SMARCAL1: variants seen among roughly 807,000 people sequenced by gnomAD.
SMARCAL1 encodes the protein ATP-driven annealing helicase.
SMARCAL1 carries 58 observed loss-of-function variants against 94.5 expected under a neutral mutation model. That is an observed-to-expected ratio of 0.61 (90% CI 0.50 to 0.76). SMARCAL1 has a LOEUF of 0.76. Among genes scored for constraint, SMARCAL1 ranks in the 30% least tolerant of loss-of-function variants. SMARCAL1 has a pLI of 0.00. For missense variants in SMARCAL1, 1,051 were observed against 1,177.9 expected (o/e 0.89, Z 1.58); for synonymous variants, 422 against 455.1 (o/e 0.93, Z 0.93).
intron 7 of SMARCAL1, among the ~76,000 whole-genome samples, chr2:216,429,889 G>C (rs1693926508): frequency 6.6e-6 from 1 of 152,098 alleles, no homozygotes; most frequent in African/African-American, 2.4e-5. Context: ...CCATTCCAAT[G>C]CTCCAGCTGG....
chr2:216,482,689 T>G lies in SMARCAL1; in HGVS notation c.2626-49T>G. On this transcript the variant is annotated intron_variant, in intron 17 of 17. Coordinates refer to ENST00000357276, the MANE Select transcript of SMARCAL1 (RefSeq NM_014140.4). The surrounding 1 kb of genome is among the most constrained non-coding windows in gnomAD (Gnocchi z 4.3). ...AGCCCTAGTGGAGGAGAGTCAGTGT[T>G]GGAGCCTGGGCTCTTCCTTTTATCT... 6.2e-7 allele frequency: 1 copy of G among 1,613,980 alleles called. No individual in the cohort carries two copies. The highest frequency in any genetic ancestry group is 8.5e-7 in the Non-Finnish European group (1 of 1,179,930).
intron 2 of SMARCAL1, chr2:216,414,357 A>C: frequency 3.3e-6 from 1 of 306,582 alleles, no homozygotes; most frequent in Non-Finnish European, 6.3e-6. Flanking sequence ...GGGTTTCACC[A>C]TGTTGGCCAG....
chr2:216,472,638 A>G (rs79256174), intron 14 of SMARCAL1, among the ~76,000 whole-genome samples: 2,082 of 149,380 alleles, frequency 0.014, 45 homozygotes, highest in African/African-American at 0.049. Flanking sequence ...TTTACATGTA[A>G]AGGTATTTCC....
chr2:216,419,685 G>A (rs1306032447), intron 4 of SMARCAL1, among the ~76,000 whole-genome samples: 3 of 152,032 alleles, frequency 2.0e-5, no homozygotes, highest in African/African-American at 4.8e-5. Flanking sequence ...TCATCCTGGC[G>A]AGCTTCCTCT....
chr2:216,416,620 A>C (rs1280715085), intron 4 of SMARCAL1, among the ~76,000 whole-genome samples: 4 of 152,240 alleles, frequency 2.6e-5, no homozygotes, highest in African/African-American at 9.6e-5. Context: ...CCCAGGGACG[A>C]TGAGTCAGTA....
At chr2:216,448,398 T>C (rs1694365910) in intron 11 of SMARCAL1, among the ~76,000 whole-genome samples, 2 of 152,222 alleles carry the variant, frequency 1.3e-5, no homozygotes, top group Non-Finnish European at 2.9e-5. Flanking sequence ...GTTCAGCTAG[T>C]GATGAAAGGG....
chr2:216,470,927 C>T (rs1260822388), intron 14 of SMARCAL1, among the ~76,000 whole-genome samples: 4 of 149,130 alleles, frequency 2.7e-5, no homozygotes, highest in Non-Finnish European at 5.9e-5. Context: ...CTTGTCCCTT[C>T]AGACATTAAA....
At chr2:216,433,008 G>A in intron 8 of SMARCAL1, 140 bp downstream of exon 8, 1 of 1,085,848 alleles carries the variant, frequency 9.2e-7, no homozygotes, top group Non-Finnish European at 1.4e-6. Flanking sequence ...AGAGAGATGA[G>A]ATGCCACCTG....
intron 10 of SMARCAL1, among the ~76,000 whole-genome samples, chr2:216,441,449 C>A (rs986227401): frequency 6.6e-6 from 1 of 152,016 alleles, no homozygotes; most frequent in Non-Finnish European, 1.5e-5. Context: ...ACCTTTAATC[C>A]CTCCAACAGA....
intron 12 of SMARCAL1, among the ~76,000 whole-genome samples, chr2:216,451,878 A>G (rs748117717): frequency 4.6e-5 from 7 of 152,248 alleles, no homozygotes; most frequent in Non-Finnish European, 8.8e-5. Context: ...AACATCATGA[A>G]GCATTATCTG....
intron 11 of SMARCAL1, among the ~76,000 whole-genome samples, chr2:216,447,375 G>C (rs765387530): frequency 4.6e-5 from 7 of 152,044 alleles, no homozygotes; most frequent in Non-Finnish European, 1.0e-4. Flanking sequence ...AATGGTTATG[G>C]TTATCCGAAG....
chr2:216,481,130 T>C (rs1386553644), intron 17 of SMARCAL1, among the ~76,000 whole-genome samples: 25 of 152,136 alleles, frequency 1.6e-4, no homozygotes, highest in African/African-American at 9.7e-5. Flanking sequence ...ACTAGACTTA[T>C]GGGAAGAGAA....
At chr2:216,467,014 G>A (rs1694842843) in intron 13 of SMARCAL1, among the ~76,000 whole-genome samples, 1 of 152,122 alleles carries the variant, frequency 6.6e-6, no homozygotes, top group African/African-American at 2.4e-5. Flanking sequence ...CCTCAGCAAA[G>A]GAGCTCACTT....
In SMARCAL1 at chr2:216,416,253, T is replaced by C. The variant is rs780691746; in HGVS notation, c.812-4T>C. On this transcript the variant is annotated splice_region_variant and splice_polypyrimidine_tract_variant and intron_variant, in intron 3 of 17. Coordinates refer to ENST00000357276, the MANE Select transcript of SMARCAL1 (RefSeq NM_014140.4). ...ACAGTCATCAGTCCTCTGTTTTGTT[T>C]CAGATCCTGACACCAAGACGTGGAA... 1 of 1,613,508 alleles carries C rather than the reference T, an allele frequency of 6.2e-7. No individual in the cohort carries two copies. The highest frequency in any genetic ancestry group is 1.3e-5 in the African/African-American group (1 of 75,052).
rs1423833400 is a variant in SMARCAL1 at position 216,482,170 on chromosome 2, G to A, written c.2626-568G>A. On this transcript the variant is annotated intron_variant, in intron 17 of 17. Coordinates refer to ENST00000357276, the MANE Select transcript of SMARCAL1 (RefSeq NM_014140.4). This position sits in a 1 kb window ranked among gnomAD's most constrained non-coding sequence, Gnocchi z 4.3. Reference sequence around the variant, plus strand: ...AACACAGAGATTTGGAAGTTGGGGGGCTGGGCACATGGTGGCTCACACCTG... The same window carrying A: ...AACACAGAGATTTGGAAGTTGGGGGACTGGGCACATGGTGGCTCACACCTG... 1.3e-5 allele frequency among the ~76,000 whole-genome samples: 2 copies of A among 152,158 alleles called. No individual in the cohort carries two copies. The highest frequency in any genetic ancestry group is 1.3e-4 in the Admixed American group (2 of 15,278).
chr2:216,443,517 T>G (rs1694244037), intron 10 of SMARCAL1, among the ~76,000 whole-genome samples: 1 of 152,246 alleles, frequency 6.6e-6, no homozygotes, highest in African/African-American at 2.4e-5. Context: ...ACCCAAGAAC[T>G]GCCTTATATG....
chr2:216,426,312 T>C (rs1378465077), intron 6 of SMARCAL1, among the ~76,000 whole-genome samples: 1 of 152,226 alleles, frequency 6.6e-6, no homozygotes, highest in Non-Finnish European at 1.5e-5. Flanking sequence ...AGTAGATAAA[T>C]GTAGTGTTGA....
Position 216,414,799 on chromosome 2 carries a change from A to G in SMARCAL1, c.95A>G (p.Gln32Arg), listed in dbSNP as rs1412718908. The stretch of plus-strand genomic sequence containing the variant: ...AGAGCTGAGAAGTTATTGGCAGAAC[A>G]GCATCAGAGGACTAGCTCGGGCACC... ...ARRAEKLLAE[Q>R]HQRTSSGTSI... Residue 32 changes from glutamine to arginine, a missense_variant, in exon 3 of 18, where the codon CAG becomes CGG. Physicochemically the swap from Gln to Arg is conservative, Grantham distance 43 (BLOSUM62 1). Transcript: ENST00000357276. 3.0e-5 allele frequency: 49 copies of G among 1,614,136 alleles called. No individual in the cohort carries two copies. The highest frequency in any genetic ancestry group is 4.2e-5 in the Non-Finnish European group (49 of 1,180,054).
rs138447594 is a variant in SMARCAL1 at position 216,457,405 on chromosome 2, C to T, written c.2070+6341C>T. 9.0e-3 allele frequency among the ~76,000 whole-genome samples: 1,364 copies of T among 152,252 alleles called. 18 individuals are homozygous for T. Among genetic ancestry groups the T allele is most frequent in the African/African-American group, 0.032 (1,309 of 41,544 alleles). On this transcript the variant is annotated intron_variant, in intron 12 of 17. Transcript: ENST00000357276. The stretch of plus-strand genomic sequence containing the variant: ...ATATACATTCTTCTCAGCACCACAC[C>T]GTACTTATTCCAAAATTGACCACAT...
Sources: allele counts gnomAD v4.1 joint callset (sites outside exome capture counted in the v4.1 genomes callset), GRCh38; gene constraint gnomAD v4.1.1; non-coding constraint Gnocchi (gnomAD v3.1); transcripts MANE v1.5; gene names NCBI Gene and HGNC (gene_info 2026-07-23, HGNC 2026-07-21).